The following UNC13C variants were observed in gnomAD, a reference collection of about 807,000 sequenced individuals.
UNC13C encodes unc-13 homolog C, also known as protein unc-13 homolog C.
A neutral mutation model predicts 245.4 loss-of-function variants in UNC13C; 174 were observed. The ratio of observed to expected loss-of-function variants is 0.71; its 90% confidence interval spans 0.63 to 0.80. The LOEUF is 0.80. Ranked by LOEUF, UNC13C falls within the 30% of genes least tolerant of loss-of-function variation. UNC13C has a pLI of 0.00. For missense variants in UNC13C, 2,829 were observed against 2,602.9 expected, an observed-to-expected ratio of 1.09 and a Z score of -1.89; for synonymous variants, 992 against 895.1, an observed-to-expected ratio of 1.11 and a Z score of -1.93.
the UNC13C span, among the ~76,000 whole-genome samples, chr15:53,928,496 A>G: frequency 6.6e-6 from 1 of 152,210 alleles, no homozygotes; most frequent in Non-Finnish European, 1.5e-5. Context: ...AACACGTTAC[A>G]GTACTGCAGA....
At chr15:54,251,570 A>G (rs1214129908) in intron 8 of UNC13C, among the ~76,000 whole-genome samples, 4 of 152,250 alleles carry the variant, frequency 2.6e-5, no homozygotes, top group Admixed American at 2.6e-4. Flanking sequence ...CTTTAGGTCT[A>G]GAAATGCTAA....
At chr15:54,257,858 C>T (rs1596097031) in intron 8 of UNC13C, among the ~76,000 whole-genome samples, 3 of 152,044 alleles carry the variant, frequency 2.0e-5, no homozygotes, top group East Asian at 3.8e-4. Flanking sequence ...GAGGAGGGTT[C>T]GTATTATCTT....
chr15:54,432,906 AG>A (rs1440556571), intron 19 of UNC13C, among the ~76,000 whole-genome samples: 5 of 152,166 alleles, frequency 3.3e-5, no homozygotes, highest in Admixed American at 2.6e-4. Context: ...AAAATGAGAA[AG>A]GGGATATCAC....
chr15:54,050,632 T>C (rs1256176546), intron 2 of UNC13C: 13 of 452,196 alleles, frequency 2.9e-5, no homozygotes, highest in African/African-American at 1.6e-4. Flanking sequence ...TCAGAACTTA[T>C]GAGGACAAAG....
At chr15:54,027,088 A>G (rs887147200) in intron 2 of UNC13C, among the ~76,000 whole-genome samples, 8 of 152,038 alleles carry the variant, frequency 5.3e-5, no homozygotes, top group African/African-American at 1.9e-4. Context: ...GGCTAAGAGA[A>G]AGGAAAAGAT....
chr15:54,035,756 G>A (rs1159520041), intron 2 of UNC13C, among the ~76,000 whole-genome samples: 1 of 152,158 alleles, frequency 6.6e-6, no homozygotes, highest in Non-Finnish European at 1.5e-5. Flanking sequence ...GAGAATAGAT[G>A]AGCGCACCCA....
chr15:53,895,367 AAAAG>A, the UNC13C span, among the ~76,000 whole-genome samples: 1 of 150,918 alleles, frequency 6.6e-6, no homozygotes, highest in African/African-American at 2.4e-5. Flanking sequence ...AAAAAAAAAA[AAAAG>A]AAAGAAATTT....
the UNC13C span, among the ~76,000 whole-genome samples, chr15:53,941,162 C>T: frequency 2.0e-5 from 3 of 152,156 alleles, no homozygotes; most frequent in East Asian, 3.9e-4. Flanking sequence ...ACTCCTACAA[C>T]CATCTGATCT....
intron 4 of UNC13C, among the ~76,000 whole-genome samples, chr15:54,194,230 C>T (rs2034280863): frequency 6.6e-6 from 1 of 152,106 alleles, no homozygotes; most frequent in South Asian, 2.1e-4. Context: ...GTGATATGTA[C>T]TATAGATGAT....
At chr15:54,630,864 A>G (rs913667507), downstream of UNC13C, 4 of 152,162 alleles carry the variant, frequency 2.6e-5, no homozygotes, top group Non-Finnish European at 5.9e-5. Context: ...TTTTCACATC[A>G]TGACAACTTT....
chr15:53,996,514 A>G (rs900166422), intron 1 of UNC13C, among the ~76,000 whole-genome samples: 10 of 152,176 alleles, frequency 6.6e-5, no homozygotes, highest in African/African-American at 1.7e-4. Flanking sequence ...AGTGAAGTGC[A>G]TATATTTTAA....
the UNC13C span, among the ~76,000 whole-genome samples, chr15:53,924,681 C>T: frequency 6.6e-6 from 1 of 152,122 alleles, no homozygotes; most frequent in African/African-American, 2.4e-5. Context: ...TACAAACTGG[C>T]TTTTAGTTAG....
intron 19 of UNC13C, among the ~76,000 whole-genome samples, chr15:54,457,130 G>T (rs1466369844): frequency 6.6e-6 from 1 of 152,112 alleles, no homozygotes; most frequent in Non-Finnish European, 1.5e-5. Flanking sequence ...TGTCTGTTGA[G>T]ATGATCATAT....
At chr15:53,985,330 C>CT (rs200189141) in intron 1 of UNC13C, among the ~76,000 whole-genome samples, 41 of 141,496 alleles carry the variant, frequency 2.9e-4, no homozygotes, top group East Asian at 4.1e-4. Context: ...GCCACATTTT[C>CT]TTTTTTTTTT....
chr15:54,366,277 G>T (rs951093954), intron 17 of UNC13C, among the ~76,000 whole-genome samples: 1 of 152,094 alleles, frequency 6.6e-6, no homozygotes, highest in Admixed American at 6.6e-5. Flanking sequence ...CCATAACGTG[G>T]CAAAATGTAA....
intron 19 of UNC13C, among the ~76,000 whole-genome samples, chr15:54,462,391 G>A (rs1457435108): frequency 2.0e-5 from 3 of 152,218 alleles, no homozygotes; most frequent in Non-Finnish European, 4.4e-5. Flanking sequence ...CTGCACTGTG[G>A]GAGCCCCTCT....
the UNC13C span, chr15:53,912,049 G>T: frequency 6.6e-6 from 1 of 152,242 alleles, no homozygotes; most frequent in Non-Finnish European, 1.5e-5. Flanking sequence ...CCATCCACGA[G>T]ATTAAAAGGG....
intron 18 of UNC13C, among the ~76,000 whole-genome samples, chr15:54,409,291 A>T (rs1022133533): frequency 6.6e-6 from 1 of 150,462 alleles, no homozygotes; most frequent in Non-Finnish European, 1.5e-5. Context: ...TATATTAATA[A>T]TATTCTTTTT....
chr15:54,449,770 C>T (rs191476106), intron 19 of UNC13C, among the ~76,000 whole-genome samples: 66 of 152,340 alleles, frequency 4.3e-4, no homozygotes, highest in African/African-American at 1.5e-3. Context: ...CTTCTTCTCT[C>T]AGCTCATCAG....
Sources: allele counts gnomAD v4.1 joint callset (sites outside exome capture counted in the v4.1 genomes callset), GRCh38; gene constraint gnomAD v4.1.1; transcripts MANE v1.5; gene names NCBI Gene and HGNC (gene_info 2026-07-23, HGNC 2026-07-21).